TMEM71: variants seen among roughly 807,000 people sequenced by gnomAD.
TMEM71 encodes transmembrane protein 71.
In TMEM71, 44 loss-of-function variants were observed where a neutral mutation model predicts 38.0. The observed-to-expected ratio is 1.16, with a 90% CI of 0.91 to 1.49. The LOEUF (loss-of-function observed/expected upper bound fraction) is 1.49. Among genes scored for constraint, TMEM71 ranks in the 40% most tolerant of loss-of-function variants. The probability of loss-of-function intolerance (pLI) is 0.00; values close to 1 mark genes in which losing one functional copy is unlikely to be tolerated. For synonymous variants in TMEM71, 133 were observed against 122.5 expected, an observed-to-expected ratio of 1.09 and a Z score of -0.56; for missense variants, 367 against 348.6, an observed-to-expected ratio of 1.05 and a Z score of -0.42.
intron 5 of TMEM71, among the ~76,000 whole-genome samples, chr8:132,738,963 A>G (rs1370038336): frequency 6.6e-6 from 1 of 152,188 alleles, no homozygotes; most frequent in African/African-American, 2.4e-5. Context: ...CTATAGCTGT[A>G]TAAGTAGTTA....
chr8:132,760,925 T>G (rs1829280856), upstream of TMEM71, among the ~76,000 whole-genome samples: 1 of 152,228 alleles, frequency 6.6e-6, no homozygotes, highest in African/African-American at 2.4e-5. Context: ...TAGTGCAGAG[T>G]AGTGATCTTT....
At chr8:132,720,914 G>A (rs1360332029) in intron 7 of TMEM71, among the ~76,000 whole-genome samples, 1 of 152,226 alleles carries the variant, frequency 6.6e-6, no homozygotes, top group Admixed American at 6.5e-5. Flanking sequence ...CTGTCAGGCA[G>A]CTCACATTCT....
chr8:132,717,519 T>C (rs1826599612), intron 7 of TMEM71, among the ~76,000 whole-genome samples: 1 of 152,128 alleles, frequency 6.6e-6, no homozygotes, highest in Non-Finnish European at 1.5e-5. Flanking sequence ...ATCAGGGAAA[T>C]GCAAATCAAA....
rs1829268471 is a variant in TMEM71, at chr8:132,760,490, T to G, written c.-51A>C. 1 of 152,270 alleles carries G rather than the reference T, an allele frequency of 6.6e-6. No homozygotes were observed. The highest frequency in any genetic ancestry group is 2.4e-5 in the African/African-American group (1 of 41,478). 9.4% of individuals were successfully genotyped at this position (152,270 alleles called of 1,614,324 possible). ...TCCCACCCTACCTTCTTCTCACAGA[T>G]GCCCACGCACATTGCTGTGCACAGG... is the stretch of plus-strand genomic sequence containing the variant. On this transcript the variant is annotated 5_prime_UTR_variant, in exon 1 of 10. Coordinates refer to ENST00000677595, the MANE Select transcript of TMEM71 (RefSeq NM_001382403.1).
Position 132,751,987 on chromosome 8 carries a change from C to G in TMEM71, c.112G>C (p.Asp38His), listed in dbSNP as rs768241506. 4.1e-5 allele frequency: 66 copies of G among 1,613,876 alleles called. No homozygotes were observed. Among genetic ancestry groups the G allele is most frequent in the Non-Finnish European group, 5.5e-5 (65 of 1,179,964 alleles). Reference sequence around the variant, plus strand: ...AAAGAATGGTAACCATCCAGGGAATCACAGGTGAAACTAAGAAGGAAAAGA... The same window carrying G: ...AAAGAATGGTAACCATCCAGGGAATGACAGGTGAAACTAAGAAGGAAAAGA... ...PTCIFPSFTCDSLDGYHSFEC... is the reference protein window; with the variant it reads ...PTCIFPSFTCHSLDGYHSFEC... The change falls in exon 4 of 10, where the codon GAT becomes CAT. Residue 38 changes from aspartate to histidine, a missense_variant. Coordinates refer to ENST00000677595, the MANE Select transcript of TMEM71 (RefSeq NM_001382403.1).
the TMEM71 span, among the ~76,000 whole-genome samples, chr8:132,769,664 T>C: frequency 6.6e-6 from 1 of 152,222 alleles, no homozygotes; most frequent in East Asian, 1.9e-4. Context: ...CTGTCTGTCA[T>C]GTGAGGACAC....
intron 3 of TMEM71, among the ~76,000 whole-genome samples, chr8:132,752,770 G>GA (rs946140622): frequency 4.5e-5 from 6 of 132,988 alleles, no homozygotes; most frequent in Non-Finnish European, 6.3e-5. Flanking sequence ...GAGAGAGAGA[G>GA]AAAAAAAAAA....
intron 7 of TMEM71, among the ~76,000 whole-genome samples, chr8:132,715,679 A>C (rs1164023588): frequency 2.6e-5 from 4 of 152,188 alleles, no homozygotes; most frequent in African/African-American, 4.8e-5. Context: ...GGAAGCAACC[A>C]AGACACCCTT....
intron 3 of TMEM71, among the ~76,000 whole-genome samples, chr8:132,754,942 A>G (rs1031941748): frequency 3.9e-5 from 6 of 152,224 alleles, no homozygotes; most frequent in Admixed American, 6.5e-5. Flanking sequence ...AAATATGAAA[A>G]TGGAGGCTCC....
the TMEM71 span, chr8:132,775,790 G>A: frequency 4.4e-6 from 1 of 228,978 alleles, no homozygotes; most frequent in South Asian, 1.8e-4. Flanking sequence ...TCTGGGCGCC[G>A]CAGCTCCCTC....
intron 3 of TMEM71, among the ~76,000 whole-genome samples, chr8:132,752,764 G>A (rs1828784719): frequency 7.0e-6 from 1 of 143,626 alleles, no homozygotes; most frequent in African/African-American, 2.6e-5. Flanking sequence ...GAAGAAGAGA[G>A]AGAGAGAAAA....
the TMEM71 span, among the ~76,000 whole-genome samples, chr8:132,772,678 T>A: frequency 6.6e-6 from 1 of 152,146 alleles, no homozygotes; most frequent in Non-Finnish European, 1.5e-5. Context: ...GCTATACATA[T>A]ATACTTAAAA....
intron 5 of TMEM71, among the ~76,000 whole-genome samples, chr8:132,740,407 A>G (rs1827974027): frequency 6.6e-6 from 1 of 152,140 alleles, no homozygotes; most frequent in Non-Finnish European, 1.5e-5. Context: ...TGTTTCCCAT[A>G]CCACTCACCA....
At chr8:132,745,532 T>C (rs896285607) in intron 5 of TMEM71, among the ~76,000 whole-genome samples, 3 of 152,096 alleles carry the variant, frequency 2.0e-5, no homozygotes, top group Non-Finnish European at 4.4e-5. Context: ...ACAACAGATG[T>C]TGATGAGGCT....
the TMEM71 span, among the ~76,000 whole-genome samples, chr8:132,767,929 A>T: frequency 6.6e-6 from 1 of 152,152 alleles, no homozygotes; most frequent in Non-Finnish European, 1.5e-5. Flanking sequence ...TGGCGGTATG[A>T]GTTGTGATGA....
downstream of TMEM71, among the ~76,000 whole-genome samples, chr8:132,706,013 G>T (rs1270754014): frequency 1.3e-5 from 2 of 152,088 alleles, no homozygotes; most frequent in African/African-American, 2.4e-5. Context: ...CATGAATGGG[G>T]TTTGTTCTCT....
chr8:132,756,411 T>TTATATA (rs55767264), intron 3 of TMEM71, among the ~76,000 whole-genome samples: 5,481 of 115,386 alleles, frequency 0.048, 232 homozygotes, highest in African/African-American at 0.11. Flanking sequence ...AACATATATA[T>TTATATA]TATATATATA....
chr8:132,750,289 T>A (rs1828634014), intron 4 of TMEM71, among the ~76,000 whole-genome samples: 1 of 152,214 alleles, frequency 6.6e-6, no homozygotes, highest in Admixed American at 6.5e-5. Flanking sequence ...TTGAGATGCC[T>A]GTAGGAAATC....
chr8:132,755,991 T>G (rs1345573963), intron 3 of TMEM71, among the ~76,000 whole-genome samples: 3 of 152,198 alleles, frequency 2.0e-5, no homozygotes, highest in Non-Finnish European at 4.4e-5. Flanking sequence ...TCTTTCCACA[T>G]GTGCCTCTGT....
Sources: allele counts gnomAD v4.1 joint callset (sites outside exome capture counted in the v4.1 genomes callset), GRCh38; gene constraint gnomAD v4.1.1; transcripts MANE v1.5; gene names NCBI Gene and HGNC (gene_info 2026-07-23, HGNC 2026-07-21).